Variants in PDLIM5 observed in about 807,000 individuals in gnomAD.
PDLIM5 encodes PDZ and LIM domain 5, also known as PDZ and LIM domain protein 5.
In PDLIM5, 34 loss-of-function variants were observed where a neutral mutation model predicts 64.2. The observed-to-expected ratio is 0.53, with a 90% confidence interval of 0.40 to 0.71. The LOEUF is 0.71. Ranked by LOEUF, PDLIM5 falls within the 30% of genes least tolerant of loss-of-function variation. The pLI is 0.00. For synonymous variants in PDLIM5, 253 were observed against 269.1 expected (o/e 0.94, Z 0.59); for missense variants, 683 against 733.6 (o/e 0.93, Z 0.80).
intron 7 of PDLIM5, among the ~76,000 whole-genome samples, chr4:94,613,226 A>C (rs890856622): frequency 1.3e-5 from 2 of 152,172 alleles, no homozygotes; most frequent in African/African-American, 4.8e-5. Context: ...ACTTTAGCCA[A>C]AAACTGTTTA....
intron 7 of PDLIM5, among the ~76,000 whole-genome samples, chr4:94,597,688 T>C (rs1302272241): frequency 6.6e-6 from 1 of 151,722 alleles, no homozygotes; most frequent in Non-Finnish European, 1.5e-5. Flanking sequence ...ACAGATGAGA[T>C]TCACTGAGTA....
chr4:94,640,143 C>T lies in PDLIM5; in HGVS notation c.1109-133C>T, dbSNP rs1258091878. On this transcript the variant is annotated intron_variant, in intron 8 of 12. Transcript: ENST00000317968. ...CACAGCCTAGTGTTTGATTCATAAC[C>T]TCACTGTAAATGTGAGTGAGTGAAT... The T allele has an allele frequency of 6.5e-6, 3 of 461,664 alleles. No individual in the cohort carries two copies. The Admixed American group carries it at 1.2e-4, about 18-fold the overall frequency. 28.6% of individuals were successfully genotyped at this position (461,664 alleles called of 1,614,324 possible).
chr4:94,636,279 T>C (rs1291076083), intron 8 of PDLIM5, among the ~76,000 whole-genome samples: 2 of 152,150 alleles, frequency 1.3e-5, no homozygotes, highest in Non-Finnish European at 1.5e-5. Flanking sequence ...AATAAAGGCA[T>C]ATGGTAGATG....
intron 5 of PDLIM5, chr4:94,582,775 C>CT: frequency 7.8e-7 from 1 of 1,289,234 alleles, no homozygotes; most frequent in Non-Finnish European, 1.1e-6. Context: ...GTCTCTGTAA[C>CT]TTTCCTTCTT....
intron 7 of PDLIM5, among the ~76,000 whole-genome samples, chr4:94,598,633 T>C (rs1388184357): frequency 6.6e-6 from 1 of 152,110 alleles, no homozygotes; most frequent in East Asian, 1.9e-4. Flanking sequence ...ATGAGGCACT[T>C]ATTTGTGCTG....
At chr4:94,622,688 T>G (rs762673631) in intron 8 of PDLIM5, among the ~76,000 whole-genome samples, 15 of 149,252 alleles carry the variant, frequency 1.0e-4, no homozygotes, top group Non-Finnish European at 2.1e-4. Context: ...CCTCCTTCCT[T>G]CCCTTCCTCC....
intron 2 of PDLIM5, among the ~76,000 whole-genome samples, chr4:94,482,683 G>A (rs1725973237): frequency 6.6e-6 from 1 of 152,078 alleles, no homozygotes; most frequent in South Asian, 2.1e-4. Context: ...GGTTGCTTGA[G>A]TTTGAGACCA....
chr4:94,560,182 A>T (rs1733712470), intron 3 of PDLIM5, among the ~76,000 whole-genome samples: 1 of 151,852 alleles, frequency 6.6e-6, no homozygotes, highest in South Asian at 2.1e-4. Flanking sequence ...GCCTGGGGGG[A>T]ATTCAGAAAA....
In PDLIM5 at chr4:94,629,988, A is replaced by G. The variant is rs370447387; in HGVS notation, c.1109-10288A>G. On this transcript the variant is annotated intron_variant, in intron 8 of 12. Transcript: ENST00000317968. Reference sequence around the variant, plus strand: ...GGAGCTTGACAGACAAAATGCACATATTCTTTGCTTCTGTTGGCCACCATC... The same window carrying G: ...GGAGCTTGACAGACAAAATGCACATGTTCTTTGCTTCTGTTGGCCACCATC... 2.9e-3 allele frequency among the ~76,000 whole-genome samples: 436 copies of G among 152,276 alleles called. 3 individuals are homozygous for G. The highest frequency in any genetic ancestry group is 4.4e-3 in the Admixed American group (67 of 15,296).
intron 5 of PDLIM5, among the ~76,000 whole-genome samples, chr4:94,577,659 A>G (rs1735411442): frequency 6.6e-6 from 1 of 150,936 alleles, no homozygotes; most frequent in Non-Finnish European, 1.5e-5. Context: ...ATATCCTGCA[A>G]AGAAAGATGC....
At chr4:94,480,603 G>C (rs1484204494) in intron 2 of PDLIM5, among the ~76,000 whole-genome samples, 1 of 152,164 alleles carries the variant, frequency 6.6e-6, no homozygotes, top group Non-Finnish European at 1.5e-5. Context: ...GTAGAGCCAG[G>C]GGCTGATTGA....
At chr4:94,614,035 T>C (rs930173211) in intron 7 of PDLIM5, among the ~76,000 whole-genome samples, 1 of 151,082 alleles carries the variant, frequency 6.6e-6, no homozygotes, top group Non-Finnish European at 1.5e-5. Flanking sequence ...CGATCTCAGT[T>C]CACTGCAACC....
At chr4:94,596,345 A>G (rs1737066939) in intron 7 of PDLIM5, among the ~76,000 whole-genome samples, 1 of 152,112 alleles carries the variant, frequency 6.6e-6, no homozygotes, top group Non-Finnish European at 1.5e-5. Context: ...AATATTCACC[A>G]CGTTCCTTAG....
chr4:94,518,263 G>T (rs559841525), intron 2 of PDLIM5, among the ~76,000 whole-genome samples: 1 of 152,308 alleles, frequency 6.6e-6, no homozygotes, highest in Non-Finnish European at 1.5e-5. Context: ...GTTTGTTTGT[G>T]ATAGAAGTGC....
chr4:94,515,353 C>T (rs1043893133), intron 2 of PDLIM5, among the ~76,000 whole-genome samples: 4 of 152,160 alleles, frequency 2.6e-5, no homozygotes, highest in African/African-American at 7.2e-5. Context: ...TTTTAAAAAG[C>T]GAATCCCTGT....
chr4:94,657,399 T>C (rs1742293534), intron 10 of PDLIM5, 28 bp from the exon 11 acceptor site: 1 of 1,509,746 alleles, frequency 6.6e-7, no homozygotes. Flanking sequence ...ATCTTCTTTT[T>C]TTACATCCAA....
At chr4:94,552,058 A>G (rs1732856491) in intron 3 of PDLIM5, among the ~76,000 whole-genome samples, 1 of 152,198 alleles carries the variant, frequency 6.6e-6, no homozygotes, top group African/African-American at 2.4e-5. Flanking sequence ...TTACTTAATC[A>G]CTATTCTCAA....
chr4:94,543,218 G>A (rs186128622), intron 3 of PDLIM5, among the ~76,000 whole-genome samples: 1 of 152,052 alleles, frequency 6.6e-6, no homozygotes, highest in Admixed American at 6.6e-5. Context: ...CAAGGTGCTG[G>A]CAGGATCACA....
intron 7 of PDLIM5, chr4:94,587,000 C>T (rs368434732): frequency 1.9e-6 from 3 of 1,589,086 alleles, no homozygotes; most frequent in East Asian, 4.5e-5. Context: ...GAAAAGATAC[C>T]CCTTCACGTC....
Sources: allele counts gnomAD v4.1 joint callset (sites outside exome capture counted in the v4.1 genomes callset), GRCh38; gene constraint gnomAD v4.1.1; transcripts MANE v1.5; gene names NCBI Gene and HGNC (gene_info 2026-07-23, HGNC 2026-07-21).